The following CNNM2 variants were observed in gnomAD, a reference collection of about 807,000 sequenced individuals.
CNNM2 encodes cyclin and CBS domain divalent metal cation transport mediator 2.
Under a neutral mutation model 66.9 loss-of-function variants are expected in CNNM2, and 12 were observed. That is an observed-to-expected ratio of 0.18 (90% confidence interval 0.11 to 0.29). The LOEUF (loss-of-function observed/expected upper bound fraction) is 0.29. Ranked by LOEUF, CNNM2 falls within the 10% of genes least tolerant of loss-of-function variation. The pLI is 1.00. For missense variants in CNNM2, 705 were observed against 1,167.7 expected, an observed-to-expected ratio of 0.60 and a Z score of 5.77; for synonymous variants, 557 against 501.8, an observed-to-expected ratio of 1.11 and a Z score of -1.47.
chr10:102,931,953 G>C (rs746544166), intron 1 of CNNM2, among the ~76,000 whole-genome samples: 1 of 151,108 alleles, frequency 6.6e-6, no homozygotes, highest in African/African-American at 2.4e-5. Context: ...ATCTCTTCAC[G>C]TGCTTACTGG....
At chr10:103,071,965 A>AGC in intron 6 of CNNM2, 126 bp downstream of exon 6, 1 of 847,122 alleles carries the variant, frequency 1.2e-6, no homozygotes, top group South Asian at 1.4e-5. Context: ...GGAGCGCTAA[A>AGC]GCTCTAAGGT....
rs986922657 is a variant in CNNM2, at chr10:103,079,783, C to T, written c.*2603C>T. 3 of 152,146 alleles carry T rather than the reference C, an allele frequency of 2.0e-5. No homozygotes were observed. The highest frequency in any genetic ancestry group is 4.8e-5 in the African/African-American group (2 of 41,424). The allele number at this position is 152,146 out of a possible 1,614,324, so 9.4% of individuals were successfully genotyped here. ...AACATTAGGGAATCTAAAATAATTCCTGTCAGGTCCCTGAAGGAATGAAGG... is the reference window on the plus strand; with the variant it reads ...AACATTAGGGAATCTAAAATAATTCTTGTCAGGTCCCTGAAGGAATGAAGG... On this transcript the variant is annotated 3_prime_UTR_variant, in exon 8 of 8. Coordinates refer to ENST00000369878, the MANE Select transcript of CNNM2 (RefSeq NM_017649.5).
At chr10:102,957,590 A>T (rs1847092469) in intron 1 of CNNM2, among the ~76,000 whole-genome samples, 1 of 152,226 alleles carries the variant, frequency 6.6e-6, no homozygotes, top group African/African-American at 2.4e-5. Context: ...AATTGTTTTT[A>T]TAGTTGTCCG....
At chr10:103,018,684 T>TC (rs2064503715) in intron 1 of CNNM2, among the ~76,000 whole-genome samples, 1 of 136,402 alleles carries the variant, frequency 7.3e-6, no homozygotes, top group Non-Finnish European at 1.6e-5. Flanking sequence ...TACTCTTCTT[T>TC]CCTTTTTTTT....
intron 2 of CNNM2, 80 bp downstream of exon 2, chr10:103,049,930 C>T (rs2065188451): frequency 7.3e-7 from 1 of 1,364,208 alleles, no homozygotes; most frequent in Non-Finnish European, 1.0e-6. Flanking sequence ...TGACGTTTCT[C>T]CAGTTGCTGC....
At chr10:103,005,690 A>G (rs1350504370) in intron 1 of CNNM2, among the ~76,000 whole-genome samples, 1 of 152,170 alleles carries the variant, frequency 6.6e-6, no homozygotes, top group East Asian at 1.9e-4. Context: ...CCTTTAATGG[A>G]ACAATATTGG....
chr10:103,085,602 GT>G lies in CNNM2; in HGVS notation c.*8424del, dbSNP rs1322920140. ...GGAGACCAGAACATCTGGGGACATA[GT>G]TGTACCTAGTTATTTTGTGTGAAGA... On this transcript the variant is annotated 3_prime_UTR_variant, in exon 8 of 8. Transcript: ENST00000369878. The G allele has an allele frequency of 6.6e-6, 1 of 152,202 alleles. No individual in the cohort carries two copies. The highest frequency in any genetic ancestry group is 1.5e-5 in the Non-Finnish European group (1 of 68,042). 9.4% of individuals were successfully genotyped at this position (152,202 alleles called of 1,614,324 possible). A position where few individuals can be genotyped will look rare whatever the true frequency, so the allele number is the denominator to read the frequency against.
At chr10:102,957,494 C>G (rs771199780) in intron 1 of CNNM2, among the ~76,000 whole-genome samples, 68 of 152,262 alleles carry the variant, frequency 4.5e-4, no homozygotes, top group Middle Eastern at 3.4e-3. Context: ...GATTTGAACT[C>G]TATGCACTAG....
At position 103,056,070 on chromosome 10, in the gene CNNM2, A is replaced by G. The variant is rs11191534; in HGVS notation, c.1904-725A>G. On this transcript the variant is annotated intron_variant, in intron 3 of 7. Coordinates refer to ENST00000369878, the MANE Select transcript of CNNM2 (RefSeq NM_017649.5). ...GTCACTGCACTCCAGCCTGGGTGAC[A>G]GAGTGAGACTCCTTCTCAAAAAAAA... Among the ~76,000 whole-genome samples, 14,166 of 151,252 alleles carry G rather than the reference A, an allele frequency of 0.094. 870 individuals carry two copies. Among genetic ancestry groups the G allele is most frequent in the East Asian group, 0.28 (1,438 of 5,146 alleles).
intron 1 of CNNM2, among the ~76,000 whole-genome samples, chr10:102,935,611 T>TA (rs2134171809): frequency 6.7e-6 from 1 of 149,332 alleles, no homozygotes; most frequent in East Asian, 1.9e-4. Flanking sequence ...AAAAATTTTT[T>TA]TTTTTTTTTT....
chr10:102,920,232 CA>C (rs1845572095), intron 1 of CNNM2, 131 bp downstream of exon 1: 1 of 1,580,654 alleles, frequency 6.3e-7, no homozygotes, highest in African/African-American at 1.3e-5. Flanking sequence ...CTCTTAATTG[CA>C]AAGTTGAAAG....
intron 1 of CNNM2, among the ~76,000 whole-genome samples, chr10:103,021,808 T>C (rs949207334): frequency 6.6e-6 from 1 of 152,216 alleles, no homozygotes; most frequent in African/African-American, 2.4e-5. Context: ...GAACAAAATA[T>C]TTTCTAGCAA....
chr10:103,063,408 G>A (rs1421087354), intron 4 of CNNM2, among the ~76,000 whole-genome samples: 8 of 152,164 alleles, frequency 5.3e-5, no homozygotes, highest in Non-Finnish European at 1.2e-4. Context: ...GAAGGTGAGC[G>A]GGAGACCAGG....
chr10:103,018,305 A>G (rs1343556144), intron 1 of CNNM2, among the ~76,000 whole-genome samples: 1 of 152,196 alleles, frequency 6.6e-6, no homozygotes, highest in Non-Finnish European at 1.5e-5. Flanking sequence ...GGCTTGAACA[A>G]CTGGGTAGAT....
At position 103,009,206 on chromosome 10, in the gene CNNM2, C is replaced by T. The variant is rs566760539; in HGVS notation, c.1622-40501C>T. Among the ~76,000 whole-genome samples the T allele has an allele frequency of 1.4e-3, 216 of 152,036 alleles. 5 individuals carry two copies. Among genetic ancestry groups the T allele is most frequent in the Non-Finnish European group, 1.5e-3 (99 of 67,968 alleles). ...CAGGAGAAGCACTTGAACCAGGAGG[C>T]GGAGGTTGTGCTGGGCCAAGATCAC... On this transcript the variant is annotated intron_variant, in intron 1 of 7. Transcript: ENST00000369878.
chr10:102,947,344 T>A (rs1450816918), intron 1 of CNNM2, among the ~76,000 whole-genome samples: 2 of 152,232 alleles, frequency 1.3e-5, no homozygotes, highest in Non-Finnish European at 2.9e-5. Flanking sequence ...ACTTTGTTTC[T>A]GTTTTAGAAA....
chr10:103,015,377 G>A (rs533114966), intron 1 of CNNM2, among the ~76,000 whole-genome samples: 2 of 152,262 alleles, frequency 1.3e-5, no homozygotes, highest in Non-Finnish European at 2.9e-5. Flanking sequence ...ATGGAATTCT[G>A]CAGACCCTAC....
At chr10:103,018,069 A>C (rs1441067405) in intron 1 of CNNM2, among the ~76,000 whole-genome samples, 1 of 151,054 alleles carries the variant, frequency 6.6e-6, no homozygotes, top group African/African-American at 2.4e-5. Context: ...GAGAGTTTTG[A>C]GCAGGGGAGT....
At chr10:102,960,995 A>T (rs2063370375) in intron 1 of CNNM2, among the ~76,000 whole-genome samples, 1 of 151,362 alleles carries the variant, frequency 6.6e-6, no homozygotes, top group African/African-American at 2.4e-5. Flanking sequence ...CTCTTGCCTC[A>T]GCCTCCCAAG....
Sources: allele counts gnomAD v4.1 joint callset (sites outside exome capture counted in the v4.1 genomes callset), GRCh38; gene constraint gnomAD v4.1.1; transcripts MANE v1.5; gene names NCBI Gene and HGNC (gene_info 2026-07-23, HGNC 2026-07-21).